The following ADARB1 variants were observed in gnomAD, a reference collection of about 807,000 sequenced individuals.
The protein encoded by ADARB1 is adenosine deaminase RNA specific B1, also known as double-stranded RNA-specific editase 1.
ADARB1 carries 10 observed loss-of-function variants against 52.4 expected under a neutral mutation model. The ratio of observed to expected loss-of-function variants is 0.19; its 90% CI spans 0.12 to 0.32. ADARB1 has a LOEUF of 0.32. Ranked by LOEUF, ADARB1 falls within the 10% of genes least tolerant of loss-of-function variation. ADARB1 has a pLI of 1.00. For missense variants in ADARB1, 643 were observed against 922.3 expected, an observed-to-expected ratio of 0.70 and a Z score of 3.92; for synonymous variants, 349 against 371.1, an observed-to-expected ratio of 0.94 and a Z score of 0.68.
intron 1 of ADARB1, among the ~76,000 whole-genome samples, chr21:45,092,441 TA>T (rs1203003074): frequency 6.6e-6 from 1 of 152,148 alleles, no homozygotes; most frequent in African/African-American, 2.4e-5. Flanking sequence ...ATCTGTTATC[TA>T]TTTTTTTTAT....
At chr21:45,155,964 C>T (rs867865866) in intron 2 of ADARB1, among the ~76,000 whole-genome samples, 32 of 11,852 alleles carry the variant, frequency 2.7e-3, no homozygotes, top group Admixed American at 0.013. Flanking sequence ...TCCAGCCATC[C>T]ACCCACCCAC....
Position 45,224,575 on chromosome 21 carries a change from C to G in ADARB1, c.*2378C>G. 1 of 782,320 alleles carries G rather than the reference C, an allele frequency of 1.3e-6. No homozygotes were observed. The highest frequency in any genetic ancestry group is 1.5e-6 in the Non-Finnish European group (1 of 666,924). The allele number at this position is 782,320 out of a possible 1,614,324, so 48.5% of individuals were successfully genotyped here. A position where few individuals can be genotyped will look rare whatever the true frequency, so the allele number is the denominator to read the frequency against. On this transcript the variant is annotated 3_prime_UTR_variant, in exon 11 of 11. Transcript: ENST00000348831. ...TGGGGGGAACTGGGTTCGGGGTGCC[C>G]TGGGCAGGGGGCTACTGGGGGGCGG...
rs1269973904 is a variant in ADARB1, at chr21:45,157,455, G to A, written c.-47-14155G>A. 1.3e-5 allele frequency among the ~76,000 whole-genome samples: 2 copies of A among 152,014 alleles called. No homozygotes were observed. Among genetic ancestry groups the A allele is most frequent in the Non-Finnish European group, 2.9e-5 (2 of 68,016 alleles). On this transcript the variant is annotated intron_variant, in intron 2 of 10. Coordinates refer to ENST00000348831, the MANE Select transcript of ADARB1 (RefSeq NM_001112.4). This position sits in a 1 kb window ranked among gnomAD's most constrained non-coding sequence, Gnocchi z 4.1. Reference sequence around the variant, plus strand: ...GAGCAAAGTGGACAGTCTTTCAAATGCATTGCTGCTGCGTTTGCACTGTGA... The same window carrying A: ...GAGCAAAGTGGACAGTCTTTCAAATACATTGCTGCTGCGTTTGCACTGTGA...
At position 45,176,416 on chromosome 21, in the gene ADARB1, A is replaced by G; in HGVS notation, c.715A>G (p.Ile239Val). 1 of 1,614,128 alleles carries G rather than the reference A, an allele frequency of 6.2e-7. No individual in the cohort carries two copies. The change falls in exon 4 of 11, where the codon ATC becomes GTC. Residue 239 changes from isoleucine (I) to valine (V), a missense_variant. By Grantham distance (29) the Ile-to-Val change is conservative (BLOSUM62 3). This residue lies in a region of ADARB1 where 380 missense variants were observed against 446.5 expected (regional missense o/e 0.85). Transcript: ENST00000348831. The surrounding 1 kb of genome is among the most constrained non-coding windows in gnomAD (Gnocchi z 5.8). ...PPPSGKNPVMILNELRPGLKY... is the reference protein window; with the variant it reads ...PPPSGKNPVMVLNELRPGLKY... ...CCCGAGTGGGAAGAATCCCGTGATG[A>G]TCTTGAACGAACTGCGCCCAGGACT...
intron 1 of ADARB1, among the ~76,000 whole-genome samples, chr21:45,076,427 C>A (rs1006678340): frequency 2.2e-4 from 33 of 152,260 alleles, no homozygotes; most frequent in African/African-American, 7.7e-4. Flanking sequence ...TGAGTGATGC[C>A]CTGTTAGATG....
intron 1 of ADARB1, among the ~76,000 whole-genome samples, chr21:45,095,581 C>T (rs565632346): frequency 6.0e-5 from 9 of 151,136 alleles, no homozygotes; most frequent in African/African-American, 2.2e-4. Context: ...TTCTGCATCC[C>T]GCTGTTTCAG....
In ADARB1 at chr21:45,088,583, C is replaced by T. The variant is rs558127369; in HGVS notation, c.-220+13790C>T. ...TAGGAGCAGTGAGAAAATAGAAAAT[C>T]GCCTTCAGGCGGCACTATGGAAATA... On this transcript the variant is annotated intron_variant, in intron 1 of 10. Transcript: ENST00000348831. Among the ~76,000 whole-genome samples, 4 of 152,280 alleles carry T rather than the reference C, an allele frequency of 2.6e-5. No homozygotes were observed. The South Asian group carries it at 6.2e-4, about 24-fold the overall frequency.
At chr21:45,191,496 T>C (rs1450936337) in intron 8 of ADARB1, among the ~76,000 whole-genome samples, 3 of 152,182 alleles carry the variant, frequency 2.0e-5, no homozygotes, top group African/African-American at 7.2e-5. Flanking sequence ...TTATCATATA[T>C]TGGTGTTACT....
intron 2 of ADARB1, among the ~76,000 whole-genome samples, chr21:45,148,075 C>T (rs772823249): frequency 6.6e-6 from 1 of 152,226 alleles, no homozygotes; most frequent in East Asian, 1.9e-4. Flanking sequence ...TCCCAGCCCC[C>T]GTCACAAGCT....
chr21:45,166,235 A>G (rs9978454), intron 2 of ADARB1, among the ~76,000 whole-genome samples: 3,376 of 152,316 alleles, frequency 0.022, 98 homozygotes, highest in African/African-American at 0.062. Flanking sequence ...CAATGTATCT[A>G]TAAAAAGGTA....
rs529999580 is a variant in ADARB1 at position 45,208,282 on chromosome 21, C to T, written c.1747+3546C>T. On this transcript the variant is annotated intron_variant, in intron 9 of 10. Coordinates refer to ENST00000348831, the MANE Select transcript of ADARB1 (RefSeq NM_001112.4). The surrounding 1 kb of genome is among the most constrained non-coding windows in gnomAD (Gnocchi z 5.6). ...CTCTGGGGACCTTGTTGACAGACAG[C>T]CTGCTCCGGGGTTTGCAGACAAGGC... Among the ~76,000 whole-genome samples, 1 of 152,312 alleles carries T rather than the reference C, an allele frequency of 6.6e-6. No homozygotes were observed. The highest frequency in any genetic ancestry group is 2.4e-5 in the African/African-American group (1 of 41,564).
chr21:45,158,659 G>C (rs1275293080), intron 2 of ADARB1, among the ~76,000 whole-genome samples: 6 of 152,076 alleles, frequency 3.9e-5, no homozygotes, highest in Admixed American at 3.9e-4. Context: ...AAAGCACCCT[G>C]AGCTGTCCTA....
In ADARB1 at chr21:45,171,793, C is replaced by T. The variant is rs9975551; in HGVS notation, c.28+109C>T. Reference sequence around the variant, plus strand: ...CCAGTGTGGGGATTGTGTTTTTTCCCGTAACATCTTCTACTGACAGTGGCA... The same window carrying T: ...CCAGTGTGGGGATTGTGTTTTTTCCTGTAACATCTTCTACTGACAGTGGCA... On this transcript the variant is annotated intron_variant, in intron 3 of 10. Coordinates refer to ENST00000348831, the MANE Select transcript of ADARB1 (RefSeq NM_001112.4). The T allele has an allele frequency of 1.0e-4, 103 of 1,009,706 alleles. 1 individual carries two copies. The East Asian group carries it at 2.3e-3, about 22-fold the overall frequency. The allele number at this position is 1,009,706 out of a possible 1,614,324, so 62.5% of individuals were successfully genotyped here. A position where few individuals can be genotyped will look rare whatever the true frequency, so the allele number is the denominator to read the frequency against.
At chr21:45,092,224 T>G (rs1241024736) in intron 1 of ADARB1, among the ~76,000 whole-genome samples, 1 of 152,208 alleles carries the variant, frequency 6.6e-6, no homozygotes, top group Non-Finnish European at 1.5e-5. Flanking sequence ...GGTCCAGTGC[T>G]AGCAGCACAT....
chr21:45,166,950 T>C (rs933435223), intron 2 of ADARB1, among the ~76,000 whole-genome samples: 1 of 152,226 alleles, frequency 6.6e-6, no homozygotes, highest in Admixed American at 6.5e-5. Flanking sequence ...TTAATTCTTA[T>C]TTGTTTGTAG....
At chr21:45,125,615 A>G (rs916445343) in intron 1 of ADARB1, among the ~76,000 whole-genome samples, 7 of 152,252 alleles carry the variant, frequency 4.6e-5, no homozygotes, top group African/African-American at 1.7e-4. Context: ...TGGGGGAAGT[A>G]AGATCTTCCC....
intron 2 of ADARB1, among the ~76,000 whole-genome samples, chr21:45,131,252 T>TGC (rs2145841302): frequency 6.6e-6 from 1 of 152,254 alleles, no homozygotes; most frequent in East Asian, 1.9e-4. Context: ...AGATGTGGGG[T>TGC]AGGTACTGAG....
intron 8 of ADARB1, among the ~76,000 whole-genome samples, chr21:45,191,863 TATATATATATATATATA>T (rs1490943560): frequency 5.0e-5 from 1 of 20,198 alleles, no homozygotes; most frequent in Non-Finnish European, 1.1e-4. Context: ...TATATATATA[TATATATATATATATATA>T]TTTTTTTTTT....
intron 7 of ADARB1, among the ~76,000 whole-genome samples, chr21:45,183,771 A>T (rs1374018814): frequency 2.0e-5 from 3 of 152,236 alleles, no homozygotes; most frequent in African/African-American, 7.2e-5. Flanking sequence ...TTGTATCAGT[A>T]TTTAAATTTG....
Sources: gnomAD v4.1 joint callset for allele counts (sites outside exome capture counted in the v4.1 genomes callset) on GRCh38, gnomAD v4.1.1 for gene constraint, gnomAD v4.1.1 regional missense constraint, Gnocchi (gnomAD v3.1) non-coding constraint, MANE v1.5 for transcripts, NCBI Gene and HGNC (gene_info 2026-07-23, HGNC 2026-07-21) for gene names.